The following POU2F3 variants were observed in gnomAD, a reference collection of about 807,000 sequenced individuals.
The protein encoded by POU2F3 is POU domain, class 2, transcription factor 3.
POU2F3 carries 23 observed loss-of-function variants against 59.2 expected under a neutral mutation model. The ratio of observed to expected loss-of-function variants is 0.39; its 90% CI spans 0.28 to 0.55. The LOEUF is 0.55. Among genes scored for constraint, POU2F3 ranks in the 20% least tolerant of loss-of-function variants. The probability of loss-of-function intolerance (pLI) is 0.66; values close to 1 mark genes in which losing one functional copy is unlikely to be tolerated. For synonymous variants in POU2F3, 190 were observed against 214.6 expected, an observed-to-expected ratio of 0.89 and a Z score of 1.00; for missense variants, 473 against 544.5, an observed-to-expected ratio of 0.87 and a Z score of 1.31.
intron 10 of POU2F3, among the ~76,000 whole-genome samples, chr11:120,314,771 T>G (rs115805397): frequency 0.01 from 1,552 of 152,234 alleles, 37 homozygotes; most frequent in African/African-American, 0.035. Flanking sequence ...CCAGGTCCCT[T>G]TCTAATCTCA....
At chr11:120,299,108 C>T (rs1941271973) in intron 4 of POU2F3, among the ~76,000 whole-genome samples, 1 of 152,162 alleles carries the variant, frequency 6.6e-6, no homozygotes, top group South Asian at 2.1e-4. Context: ...TTTTGTTTAA[C>T]TAAATTGGTT....
At chr11:120,316,030 G>A (rs1377334726) in intron 11 of POU2F3, among the ~76,000 whole-genome samples, 3 of 151,774 alleles carry the variant, frequency 2.0e-5, no homozygotes, top group African/African-American at 7.3e-5. Context: ...GTGCCACCAC[G>A]CTCGGCTGAT....
chr11:120,274,192 G>A (rs535210969), intron 3 of POU2F3, among the ~76,000 whole-genome samples: 1 of 152,220 alleles, frequency 6.6e-6, no homozygotes, highest in South Asian at 2.1e-4. Flanking sequence ...CTGCCTGGCT[G>A]TGAATCCTAG....
chr11:120,301,761 T>A (rs1352948730), intron 5 of POU2F3: 1 of 153,818 alleles, frequency 6.5e-6, no homozygotes, highest in Non-Finnish European at 1.4e-5. Context: ...AATGTCCTGG[T>A]CAGCCACATG....
At chr11:120,308,671 C>T (rs1941564979) in intron 9 of POU2F3, among the ~76,000 whole-genome samples, 1 of 151,982 alleles carries the variant, frequency 6.6e-6, no homozygotes, top group Non-Finnish European at 1.5e-5. Flanking sequence ...GGCATGGTGA[C>T]TCATGCCTGT....
chr11:120,264,989 C>T (rs1258725530), intron 2 of POU2F3, among the ~76,000 whole-genome samples: 1 of 152,176 alleles, frequency 6.6e-6, no homozygotes, highest in South Asian at 2.1e-4. Context: ...AATGACTGGC[C>T]AGTTGCCTTA....
At chr11:120,307,153 CAT>C (rs1555080798) in intron 8 of POU2F3, among the ~76,000 whole-genome samples, 1 of 152,238 alleles carries the variant, frequency 6.6e-6, no homozygotes, top group Non-Finnish European at 1.5e-5. Flanking sequence ...CTTACACCCA[CAT>C]GTGTCACCGA....
chr11:120,317,420 A>T, intron 12 of POU2F3, 56 bp downstream of exon 12: 1 of 1,600,268 alleles, frequency 6.2e-7, no homozygotes, highest in Non-Finnish European at 8.6e-7. Flanking sequence ...GACATGTGAG[A>T]AGCTGAGCCT....
At chr11:120,244,343 C>T (rs140016026) in intron 1 of POU2F3, among the ~76,000 whole-genome samples, 1 of 152,308 alleles carries the variant, frequency 6.6e-6, no homozygotes, top group East Asian at 1.9e-4. Context: ...GCCTAAGTGT[C>T]TGTTTAATTA....
chr11:120,241,674 T>C (rs1484926136), intron 1 of POU2F3, among the ~76,000 whole-genome samples: 1 of 152,172 alleles, frequency 6.6e-6, no homozygotes, highest in Non-Finnish European at 1.5e-5. Context: ...AGGCCAGGGT[T>C]TGAATGGGAG....
chr11:120,318,689 C>T lies in POU2F3; in HGVS notation c.*297C>T. 1 of 373,424 alleles carries T rather than the reference C, an allele frequency of 2.7e-6. No individual in the cohort carries two copies. The highest frequency in any genetic ancestry group is 4.8e-6 in the Non-Finnish European group (1 of 209,244). 23.1% of individuals were successfully genotyped at this position (373,424 alleles called of 1,614,324 possible). On this transcript the variant is annotated 3_prime_UTR_variant, in exon 13 of 13. Transcript: ENST00000543440. ...GTTCCAAATATTTTAGCCAGCTTCA[C>T]TGTGGCAATAGTCTTTCAGAGAAAA...
chr11:120,246,809 C>T (rs1384663098), intron 2 of POU2F3, among the ~76,000 whole-genome samples: 1 of 152,228 alleles, frequency 6.6e-6, no homozygotes, highest in African/African-American at 2.4e-5. Context: ...TTCCCAACTG[C>T]TGTGACTGGC....
intron 3 of POU2F3, among the ~76,000 whole-genome samples, chr11:120,274,564 A>C (rs1368581231): frequency 2.6e-5 from 4 of 152,226 alleles, no homozygotes; most frequent in Admixed American, 6.5e-5. Context: ...CCTATCATCA[A>C]GAAGACAGGA....
At chr11:120,248,663 A>G (rs944910378) in intron 2 of POU2F3, among the ~76,000 whole-genome samples, 2 of 152,146 alleles carry the variant, frequency 1.3e-5, no homozygotes, top group Non-Finnish European at 2.9e-5. Flanking sequence ...CACCACCAGG[A>G]GATCTTTCAC....
At chr11:120,271,609 A>C (rs1179057638) in intron 3 of POU2F3, among the ~76,000 whole-genome samples, 3 of 152,230 alleles carry the variant, frequency 2.0e-5, no homozygotes, top group African/African-American at 7.2e-5. Flanking sequence ...GGCCAGCTTC[A>C]CAGGCCCCAT....
At chr11:120,316,021 T>C (rs561174631) in intron 11 of POU2F3, among the ~76,000 whole-genome samples, 5 of 152,128 alleles carry the variant, frequency 3.3e-5, no homozygotes, top group African/African-American at 1.2e-4. Flanking sequence ...TACAGGCGTG[T>C]GCCACCACGC....
intron 3 of POU2F3, among the ~76,000 whole-genome samples, chr11:120,295,167 A>AT (rs1247365964): frequency 6.6e-6 from 1 of 152,204 alleles, no homozygotes; most frequent in East Asian, 1.9e-4. Flanking sequence ...TTCTTTTATG[A>AT]TGGCGCTGGT....
At chr11:120,275,927 G>T (rs1005938477) in intron 3 of POU2F3, among the ~76,000 whole-genome samples, 1 of 152,196 alleles carries the variant, frequency 6.6e-6, no homozygotes, top group African/African-American at 2.4e-5. Flanking sequence ...CGGTTCTCTA[G>T]CTGCTCCGAG....
chr11:120,288,128 C>CAAAAAAAAAAAAAAAAAAAAAAACAAAAA, intron 3 of POU2F3, among the ~76,000 whole-genome samples: 1 of 63,334 alleles, frequency 1.6e-5, no homozygotes, highest in African/African-American at 6.9e-5. Flanking sequence ...ACAAAAAAAC[C>CAAAAAAAAAAAAAAAAAAAAAAACAAAAA]AAAAAAAAAA....
Sources: gnomAD v4.1 joint callset for allele counts (sites outside exome capture counted in the v4.1 genomes callset) on GRCh38, gnomAD v4.1.1 for gene constraint, MANE v1.5 for transcripts, NCBI Gene and HGNC (gene_info 2026-07-23, HGNC 2026-07-21) for gene names.